Variants in DRGX observed in about 807,000 individuals in gnomAD.
DRGX encodes the protein dorsal root ganglia homeobox protein.
Under a neutral mutation model 28.6 loss-of-function variants are expected in DRGX, and 21 were observed. The observed-to-expected ratio is 0.73, with a 90% CI of 0.52 to 1.06. The LOEUF (loss-of-function observed/expected upper bound fraction) is 1.06, where lower values mean the gene tolerates loss of function less well. Ranked by LOEUF, DRGX falls within the 50% of genes least tolerant of loss-of-function variation. The pLI, the probability that DRGX is intolerant of heterozygous loss-of-function variation, is 0.00. For synonymous variants in DRGX, 136 were observed against 139.1 expected (o/e 0.98, Z 0.16); for missense variants, 354 against 343.9 (o/e 1.03, Z -0.23).
rs765241499 is a variant in DRGX at position 49,366,430 on chromosome 10, C to T, written c.527-49G>A. On this transcript the variant is annotated intron_variant, in intron 6 of 6. Transcript: ENST00000374139. The stretch of plus-strand genomic sequence containing the variant: ...TCCCATCACTGTCTACTTTCTGCCT[C>T]TCAGGGCTGGGTGACAGGAAACGAT... 6.5e-6 allele frequency: 10 copies of T among 1,543,836 alleles called. No individual in the cohort carries two copies. In the South Asian group the frequency reaches 9.9e-5, roughly 15 times the overall value.
intron 2 of DRGX, among the ~76,000 whole-genome samples, chr10:49,393,333 A>G (rs1196950836): frequency 6.6e-6 from 1 of 152,254 alleles, no homozygotes; most frequent in East Asian, 1.9e-4. Flanking sequence ...CACATATTTT[A>G]AAAATACATA....
chr10:49,382,488 G>A (rs780310464), intron 6 of DRGX, among the ~76,000 whole-genome samples: 1 of 152,192 alleles, frequency 6.6e-6, no homozygotes, highest in African/African-American at 2.4e-5. Context: ...GGAAGATGAG[G>A]GAGGCTATGT....
intron 3 of DRGX, 60 bp from the exon 4 acceptor site, chr10:49,390,294 T>C: frequency 7.0e-7 from 1 of 1,424,508 alleles, no homozygotes; most frequent in Non-Finnish European, 9.6e-7. Context: ...GGGAAGCAGA[T>C]GCATATTTCA....
intron 6 of DRGX, among the ~76,000 whole-genome samples, chr10:49,375,048 T>C (rs899629538): frequency 2.0e-5 from 3 of 152,260 alleles, no homozygotes; most frequent in African/African-American, 7.2e-5. Context: ...TATTGGTAGA[T>C]GCCTACAATA....
At chr10:49,387,052 A>C (rs1361866071) in intron 4 of DRGX, among the ~76,000 whole-genome samples, 194 bp from the exon 5 acceptor site, 2 of 152,204 alleles carry the variant, frequency 1.3e-5, no homozygotes, top group Non-Finnish European at 2.9e-5. Flanking sequence ...TTTTTTAATG[A>C]ATGTTAAATA....
At chr10:49,378,850 C>T (rs972228410) in intron 6 of DRGX, among the ~76,000 whole-genome samples, 1 of 152,018 alleles carries the variant, frequency 6.6e-6, no homozygotes, top group African/African-American at 2.4e-5. Flanking sequence ...TGTAAGACTC[C>T]ATGTATATGT....
chr10:49,374,281 T>C (rs1365671166), intron 6 of DRGX, among the ~76,000 whole-genome samples: 1 of 152,146 alleles, frequency 6.6e-6, no homozygotes, highest in Non-Finnish European at 1.5e-5. Flanking sequence ...CCAAGATGAC[T>C]AATGGCCTCC....
At position 49,384,073 on chromosome 10, in the gene DRGX, C is replaced by T. The variant is rs142919799; in HGVS notation, c.526+2405G>A. Among the ~76,000 whole-genome samples, 373 of 152,344 alleles carry T rather than the reference C, an allele frequency of 2.4e-3. 3 individuals carry two copies. Among genetic ancestry groups the T allele is most frequent in the African/African-American group, 8.6e-3 (359 of 41,574 alleles). On this transcript the variant is annotated intron_variant, in intron 6 of 6. Transcript: ENST00000374139. Reference sequence around the variant, plus strand: ...GCAAAGGTGCCCCAGCCTGCCTCTGCCCAACCCGAATCTGAGGGTGCCCCC... The same window carrying T: ...GCAAAGGTGCCCCAGCCTGCCTCTGTCCAACCCGAATCTGAGGGTGCCCCC...
chr10:49,382,934 C>T (rs567002021), intron 6 of DRGX, among the ~76,000 whole-genome samples: 17 of 152,230 alleles, frequency 1.1e-4, no homozygotes, highest in African/African-American at 3.6e-4. Flanking sequence ...AGAGGGACCC[C>T]GGGGAGAATT....
At chr10:49,395,274 GC>G in intron 2 of DRGX, 132 bp downstream of exon 2, 1 of 1,084,382 alleles carries the variant, frequency 9.2e-7, no homozygotes, top group African/African-American at 1.6e-5. Flanking sequence ...GTCCAGGGAG[GC>G]CCCTACTCAC....
chr10:49,395,569 TC>T, intron 1 of DRGX, 48 bp from the exon 2 acceptor site: 1 of 1,184,192 alleles, frequency 8.4e-7, no homozygotes, highest in South Asian at 1.4e-5. Context: ...CTGCCAGCGC[TC>T]CCGCCCAGCC....
chr10:49,369,819 A>G (rs1403043479), intron 6 of DRGX, among the ~76,000 whole-genome samples: 1 of 152,034 alleles, frequency 6.6e-6, no homozygotes, highest in Admixed American at 6.6e-5. Flanking sequence ...GTTGAGGGCA[A>G]AGTGATCCAG....
At chr10:49,380,583 G>A (rs536045056) in intron 6 of DRGX, among the ~76,000 whole-genome samples, 31 of 152,248 alleles carry the variant, frequency 2.0e-4, no homozygotes, top group Middle Eastern at 3.4e-3. Flanking sequence ...AATAAAACAT[G>A]CCCACAGTGA....
In DRGX at chr10:49,395,084, C is replaced by T. The variant is rs186930945; in HGVS notation, c.34+323G>A. The stretch of plus-strand genomic sequence containing the variant: ...GAAGCACCGTGAAAGATTGATGCGG[C>T]CCCCTGGGTTGCGGAGCCCCAATTA... On this transcript the variant is annotated intron_variant, in intron 2 of 6. Transcript: ENST00000374139. 1.6e-3 allele frequency among the ~76,000 whole-genome samples: 239 copies of T among 152,358 alleles called. 1 individual carries two copies. Among genetic ancestry groups the T allele is most frequent in the African/African-American group, 5.3e-3 (219 of 41,592 alleles).
intron 6 of DRGX, among the ~76,000 whole-genome samples, chr10:49,383,186 C>T (rs967527495): frequency 6.6e-6 from 1 of 152,250 alleles, no homozygotes; most frequent in Non-Finnish European, 1.5e-5. Context: ...CCCAGCTTCA[C>T]CCACTGGTTG....
chr10:49,366,036 T>A lies in DRGX; in HGVS notation c.*80A>T. ...TGGGGCCGCAGGCTTCTCCTTGCTA[T>A]TTGGAGAGTTTTCTGTAGGGGCTGA... On this transcript the variant is annotated 3_prime_UTR_variant, in exon 7 of 7. Coordinates refer to ENST00000374139, the MANE Select transcript of DRGX (RefSeq NM_001276451.2). The A allele has an allele frequency of 6.9e-7, 1 of 1,459,412 alleles. No homozygotes were observed. The highest frequency in any genetic ancestry group is 9.0e-7 in the Non-Finnish European group (1 of 1,105,466). 90.4% of individuals were successfully genotyped at this position (1,459,412 alleles called of 1,614,324 possible).
At chr10:49,372,046 G>A (rs1036022180) in intron 6 of DRGX, among the ~76,000 whole-genome samples, 1 of 152,084 alleles carries the variant, frequency 6.6e-6, no homozygotes, top group Non-Finnish European at 1.5e-5. Context: ...TAATAACCTG[G>A]AGCCATTTGC....
At chr10:49,373,113 C>T (rs1306112487) in intron 6 of DRGX, among the ~76,000 whole-genome samples, 1 of 151,892 alleles carries the variant, frequency 6.6e-6, no homozygotes, top group Non-Finnish European at 1.5e-5. Flanking sequence ...AAATTTTAAG[C>T]TATAATGAAT....
At position 49,386,463 on chromosome 10, in the gene DRGX, C is replaced by G. The variant is rs12261515; in HGVS notation, c.526+15G>C. The G allele has an allele frequency of 2.6e-5, 40 of 1,531,614 alleles. No individual in the cohort carries two copies. The highest frequency in any genetic ancestry group is 3.5e-5 in the Non-Finnish European group (40 of 1,138,990). The allele number at this position is 1,531,614 out of a possible 1,614,324, so 94.9% of individuals were successfully genotyped here. A position where few individuals can be genotyped will look rare whatever the true frequency, so the allele number is the denominator to read the frequency against. On this transcript the variant is annotated intron_variant, in intron 6 of 6. Transcript: ENST00000374139. The stretch of plus-strand genomic sequence containing the variant: ...ATGAGGCCACGCCCACCAGCCCAGC[C>G]GAACCCAAACTCACCTTTGAGGGAA...
Sources: allele counts gnomAD v4.1 joint callset (sites outside exome capture counted in the v4.1 genomes callset), GRCh38; gene constraint gnomAD v4.1.1; transcripts MANE v1.5; gene names NCBI Gene and HGNC (gene_info 2026-07-23, HGNC 2026-07-21).